The following SUSD6 variants were observed in gnomAD, a reference collection of about 807,000 sequenced individuals.
The protein encoded by SUSD6 is sushi domain-containing protein 6.
SUSD6 carries 16 observed loss-of-function variants against 28.4 expected under a neutral mutation model. The observed-to-expected ratio is 0.56, with a 90% CI of 0.38 to 0.86. The LOEUF is 0.86. Among genes scored for constraint, SUSD6 ranks in the 40% least tolerant of loss-of-function variants. The pLI is 0.00. For synonymous variants in SUSD6, 147 were observed against 159.6 expected (o/e 0.92, Z 0.59); for missense variants, 341 against 384.2 (o/e 0.89, Z 0.94).
chr14:69,700,525 T>C (rs1211930606), intron 2 of SUSD6, among the ~76,000 whole-genome samples: 6 of 152,212 alleles, frequency 3.9e-5, no homozygotes, highest in Non-Finnish European at 7.3e-5. Flanking sequence ...TTTTGGACTT[T>C]TAAAAAATTA....
chr14:69,647,146 A>G (rs187254217), intron 1 of SUSD6, among the ~76,000 whole-genome samples: 11 of 152,346 alleles, frequency 7.2e-5, no homozygotes, highest in Admixed American at 3.9e-4. Flanking sequence ...TTTAATTACA[A>G]TTAAGTACCT....
chr14:69,672,700 C>G (rs992775565), intron 2 of SUSD6, among the ~76,000 whole-genome samples: 8 of 152,218 alleles, frequency 5.3e-5, no homozygotes, highest in African/African-American at 1.7e-4. Context: ...GTTGAAACTT[C>G]ACAGAGCACC....
At chr14:69,674,066 A>G (rs1289590780) in intron 2 of SUSD6, among the ~76,000 whole-genome samples, 1 of 152,204 alleles carries the variant, frequency 6.6e-6, no homozygotes, top group Non-Finnish European at 1.5e-5. Context: ...ACTAGAGACA[A>G]GTTTGGGAAT....
chr14:69,707,707 ACTGCACTG>A (rs1886405094), intron 4 of SUSD6, among the ~76,000 whole-genome samples: 1 of 152,168 alleles, frequency 6.6e-6, no homozygotes, highest in Admixed American at 6.5e-5. Context: ...TGATCACGCC[ACTGCACTG>A]CAGCCTGGGC....
rs113445414 is a variant in SUSD6, at chr14:69,707,522, G to A, written c.459-1155G>A. Among the ~76,000 whole-genome samples, 282 of 152,336 alleles carry A rather than the reference G, an allele frequency of 1.9e-3. 2 individuals carry two copies. Among genetic ancestry groups the A allele is most frequent in the African/African-American group, 6.4e-3 (267 of 41,572 alleles). ...CACGCCTGTAATCCTTTGGGAGGAG[G>A]AGGTGAGAGGATTGCCTGAGCCCAG... On this transcript the variant is annotated intron_variant, in intron 4 of 5. Transcript: ENST00000342745.
At chr14:69,687,623 A>G (rs1471791918) in intron 2 of SUSD6, among the ~76,000 whole-genome samples, 1 of 152,222 alleles carries the variant, frequency 6.6e-6, no homozygotes, top group African/African-American at 2.4e-5. Context: ...TGTGCTTTAA[A>G]CGACAAAGTT....
chr14:69,624,907 T>A (rs774530134), intron 1 of SUSD6, among the ~76,000 whole-genome samples: 1 of 152,246 alleles, frequency 6.6e-6, no homozygotes, highest in Non-Finnish European at 1.5e-5. Flanking sequence ...TTAAACTTGC[T>A]TTTTGTTTCA....
intron 2 of SUSD6, among the ~76,000 whole-genome samples, chr14:69,699,545 T>G (rs1886283081): frequency 6.6e-6 from 1 of 152,164 alleles, no homozygotes; most frequent in Non-Finnish European, 1.5e-5. Context: ...TTGCCTTTTT[T>G]TTTTTTTTGG....
intron 2 of SUSD6, among the ~76,000 whole-genome samples, chr14:69,682,947 C>CTTTTTTTTT (rs5809442): frequency 1.6e-5 from 1 of 62,668 alleles, no homozygotes; most frequent in Non-Finnish European, 3.4e-5. Flanking sequence ...TCCAAGAAGC[C>CTTTTTTTTT]TTTTTTTTTT....
chr14:69,695,439 G>A (rs540558471), intron 2 of SUSD6, among the ~76,000 whole-genome samples: 1 of 152,336 alleles, frequency 6.6e-6, no homozygotes, highest in South Asian at 2.1e-4. Flanking sequence ...AGGTAGTGAG[G>A]CCCGCCAACT....
chr14:69,706,598 C>G (rs1886390314), intron 4 of SUSD6, among the ~76,000 whole-genome samples: 1 of 151,974 alleles, frequency 6.6e-6, no homozygotes, highest in African/African-American at 2.4e-5. Flanking sequence ...GTAGCTGCAA[C>G]CACAGGCATG....
chr14:69,641,275 T>G (rs1885348187), intron 1 of SUSD6, among the ~76,000 whole-genome samples: 1 of 150,676 alleles, frequency 6.6e-6, no homozygotes, highest in South Asian at 2.1e-4. Flanking sequence ...TTGATGAGCT[T>G]CTTGTATCTG....
chr14:69,688,172 C>A (rs1886101165), intron 2 of SUSD6, among the ~76,000 whole-genome samples: 1 of 152,174 alleles, frequency 6.6e-6, no homozygotes, highest in Admixed American at 6.5e-5. Flanking sequence ...TACTTCTGTT[C>A]CTCTTCCACC....
chr14:69,672,542 G>A (rs1456812591), intron 2 of SUSD6, among the ~76,000 whole-genome samples: 1 of 152,202 alleles, frequency 6.6e-6, no homozygotes, highest in Non-Finnish European at 1.5e-5. Flanking sequence ...CTATTAGGCT[G>A]TGGTGGAAGT....
chr14:69,671,751 A>G (rs1455561032), intron 2 of SUSD6, among the ~76,000 whole-genome samples: 1 of 152,102 alleles, frequency 6.6e-6, no homozygotes, highest in Non-Finnish European at 1.5e-5. Flanking sequence ...GGTGCAGAGA[A>G]CTATTGTGAC....
rs562434308 is a variant in SUSD6 at position 69,616,055 on chromosome 14, C to T, written c.-81+4227C>T. Among the ~76,000 whole-genome samples the T allele has an allele frequency of 6.6e-5, 10 of 152,246 alleles. No individual in the cohort carries two copies. The South Asian group carries it at 2.1e-3, about 32-fold the overall frequency. ...TTTATTTTTTGGCAAAGCCTCCTTC[C>T]TTGATTTGAGGGAAGTTAGCCTGGG... is the stretch of plus-strand genomic sequence containing the variant. On this transcript the variant is annotated intron_variant, in intron 1 of 5. Transcript: ENST00000342745.
intron 2 of SUSD6, chr14:69,670,634 C>T (rs998457782): frequency 1.2e-5 from 5 of 424,628 alleles, no homozygotes; most frequent in Middle Eastern, 5.3e-4. Context: ...GCAAGTTTCT[C>T]GAACTCTACG....
intron 2 of SUSD6, among the ~76,000 whole-genome samples, 176 bp downstream of exon 2, chr14:69,658,889 A>T (rs2139615008): frequency 6.6e-6 from 1 of 152,192 alleles, no homozygotes; most frequent in Non-Finnish European, 1.5e-5. Context: ...CTAATGAGTC[A>T]CCTGGAGGAG....
At chr14:69,627,199 G>C (rs1285622024) in intron 1 of SUSD6, among the ~76,000 whole-genome samples, 1 of 152,204 alleles carries the variant, frequency 6.6e-6, no homozygotes, top group Non-Finnish European at 1.5e-5. Context: ...GTATTTATCT[G>C]GTTTTTGAAG....
Sources: allele counts gnomAD v4.1 joint callset (sites outside exome capture counted in the v4.1 genomes callset), GRCh38; gene constraint gnomAD v4.1.1; transcripts MANE v1.5; gene names NCBI Gene and HGNC (gene_info 2026-07-23, HGNC 2026-07-21).